NAV2: variants seen among roughly 807,000 people sequenced by gnomAD.
NAV2 encodes helicase, APC down-regulated 1.
Under a neutral mutation model 223.2 loss-of-function variants are expected in NAV2, and 54 were observed. That is an observed-to-expected ratio of 0.24 (90% CI 0.19 to 0.30). NAV2 has a LOEUF of 0.30. Among genes scored for constraint, NAV2 ranks in the 10% least tolerant of loss-of-function variants. The pLI is 1.00. For synonymous variants in NAV2, 1,279 were observed against 1,239.3 expected, an observed-to-expected ratio of 1.03 and a Z score of -0.67; for missense variants, 2,806 against 3,147.5, an observed-to-expected ratio of 0.89 and a Z score of 2.60.
intron 1 of NAV2, among the ~76,000 whole-genome samples, chr11:19,566,030 A>ATATTT (rs1252750763): frequency 9.4e-5 from 9 of 95,792 alleles, no homozygotes; most frequent in African/African-American, 3.5e-4. Context: ...CTATCCAAGG[A>ATATTT]GATTTTATTT....
At chr11:19,746,047 A>G (rs1483495104) in intron 1 of NAV2, among the ~76,000 whole-genome samples, 1 of 152,216 alleles carries the variant, frequency 6.6e-6, no homozygotes, top group African/African-American at 2.4e-5. Context: ...CATTTTACAG[A>G]TTAGGGAAAT....
chr11:19,546,733 T>C lies in NAV2; in HGVS notation c.75+195706T>C, dbSNP rs138912102. Among the ~76,000 whole-genome samples the C allele has an allele frequency of 5.6e-3, 851 of 152,316 alleles. 4 individuals carry two copies. The highest frequency in any genetic ancestry group is 0.019 in the African/African-American group (791 of 41,560). On this transcript the variant is annotated intron_variant, in intron 1 of 37. Coordinates refer to the NAV2 transcript ENST00000360655. ...TCTCTTAACTTTCCCTAAAAGTAAA[T>C]GTAACCGTTTTAGTGTTTTTACTTT...
At chr11:19,871,407 A>T (rs903354763) in intron 4 of NAV2, among the ~76,000 whole-genome samples, 1 of 151,880 alleles carries the variant, frequency 6.6e-6, no homozygotes, top group Non-Finnish European at 1.5e-5. Flanking sequence ...TCCCCTTCCC[A>T]TGTTCTTGTG....
At chr11:19,564,942 C>T (rs2045221108) in intron 1 of NAV2, among the ~76,000 whole-genome samples, 1 of 152,192 alleles carries the variant, frequency 6.6e-6, no homozygotes, top group African/African-American at 2.4e-5. Flanking sequence ...CAAGACCAGC[C>T]TGGTCAACAT....
chr11:19,668,092 C>T (rs1351735669), intron 1 of NAV2, among the ~76,000 whole-genome samples: 1 of 152,140 alleles, frequency 6.6e-6, no homozygotes, highest in Non-Finnish European at 1.5e-5. Flanking sequence ...ACTGGCAGGA[C>T]CCTCCTGGGA....
At chr11:19,810,790 G>A (rs1431268011) in intron 1 of NAV2, among the ~76,000 whole-genome samples, 1 of 151,576 alleles carries the variant, frequency 6.6e-6, no homozygotes, top group Non-Finnish European at 1.5e-5. Flanking sequence ...CTGGGATTTT[G>A]GCATCTGTAT....
At chr11:20,055,002 A>T (rs2058277662) in intron 18 of NAV2, among the ~76,000 whole-genome samples, 1 of 152,248 alleles carries the variant, frequency 6.6e-6, no homozygotes. Context: ...GGCAGAGGTT[A>T]TGTGAAGGTG....
intron 11 of NAV2, among the ~76,000 whole-genome samples, chr11:20,029,164 G>A (rs1262172653): frequency 2.0e-5 from 3 of 152,208 alleles, no homozygotes; most frequent in Admixed American, 2.0e-4. Flanking sequence ...TTTTCTCTGA[G>A]CATAAATGTA....
chr11:19,700,158 A>C (rs1006963158), intron 1 of NAV2, among the ~76,000 whole-genome samples: 6 of 152,226 alleles, frequency 3.9e-5, no homozygotes, highest in African/African-American at 1.4e-4. Context: ...AGTGGTGGCC[A>C]TGTGTTAGTC....
chr11:19,365,670 G>T (rs967197601), intron 1 of NAV2, among the ~76,000 whole-genome samples: 1 of 152,162 alleles, frequency 6.6e-6, no homozygotes, highest in Non-Finnish European at 1.5e-5. Context: ...TTGAGTCTCA[G>T]ATTTGTTTTC....
intron 11 of NAV2, among the ~76,000 whole-genome samples, chr11:19,995,821 T>A (rs570203972): frequency 6.6e-4 from 101 of 152,318 alleles, no homozygotes; most frequent in African/African-American, 2.4e-3. Context: ...GTAACTGAAT[T>A]GTTTTTATTT....
Position 19,998,094 on chromosome 11 carries a change from G to A in NAV2, c.2768+13847G>A, listed in dbSNP as rs964383630. On this transcript the variant is annotated intron_variant, in intron 11 of 37. Transcript: ENST00000349880. This position sits in a 1 kb window ranked among gnomAD's most constrained non-coding sequence, Gnocchi z 5.0. The stretch of plus-strand genomic sequence containing the variant: ...ATTCCCAGGCTTTGCACAGAGCTGG[G>A]CATATACAGTAGGAGACGTTTGCTA... Among the ~76,000 whole-genome samples, 4 of 152,002 alleles carry A rather than the reference G, an allele frequency of 2.6e-5. No individual in the cohort carries two copies. The highest frequency in any genetic ancestry group is 1.9e-4 in the East Asian group (1 of 5,196).
intron 6 of NAV2, among the ~76,000 whole-genome samples, chr11:19,923,776 G>A (rs982889814): frequency 1.3e-5 from 2 of 152,190 alleles, no homozygotes; most frequent in Non-Finnish European, 2.9e-5. Flanking sequence ...GAAAAAGGGA[G>A]ATGGTTTTCT....
At chr11:19,679,711 C>T (rs1033045320) in intron 1 of NAV2, among the ~76,000 whole-genome samples, 29 of 152,242 alleles carry the variant, frequency 1.9e-4, no homozygotes, top group African/African-American at 6.5e-4. Flanking sequence ...CCCCACATCA[C>T]AGCCCTTCCT....
intron 26 of NAV2, among the ~76,000 whole-genome samples, chr11:20,083,414 C>T (rs944534300): frequency 9.2e-5 from 14 of 152,276 alleles, no homozygotes; most frequent in African/African-American, 2.2e-4. Flanking sequence ...TGGCCTTAAG[C>T]GGGTTACTTA....
At chr11:19,532,640 A>T (rs921833190) in intron 1 of NAV2, among the ~76,000 whole-genome samples, 3 of 152,212 alleles carry the variant, frequency 2.0e-5, no homozygotes. Flanking sequence ...CAGGCTACTC[A>T]CGGTGGTGGA....
chr11:19,908,134 C>T (rs1003604001), intron 6 of NAV2, among the ~76,000 whole-genome samples: 1 of 152,196 alleles, frequency 6.6e-6, no homozygotes, highest in Non-Finnish European at 1.5e-5. Context: ...TTAAGGAGCC[C>T]CTCAGATCAC....
intron 1 of NAV2, among the ~76,000 whole-genome samples, chr11:19,433,617 G>A (rs1020033151): frequency 2.6e-5 from 4 of 152,224 alleles, no homozygotes; most frequent in African/African-American, 4.8e-5. Flanking sequence ...ACTGAAAGGC[G>A]GTGGTATGGA....
chr11:19,375,025 C>A (rs921895107), intron 1 of NAV2, among the ~76,000 whole-genome samples: 2 of 152,220 alleles, frequency 1.3e-5, no homozygotes, highest in African/African-American at 4.8e-5. Context: ...GCTTCCCAGT[C>A]AAGACATGGA....
Sources: gnomAD v4.1 joint callset for allele counts (sites outside exome capture counted in the v4.1 genomes callset) on GRCh38, gnomAD v4.1.1 for gene constraint, Gnocchi (gnomAD v3.1) non-coding constraint, MANE v1.5 for transcripts, NCBI Gene and HGNC (gene_info 2026-07-23, HGNC 2026-07-21) for gene names.